SLC60A2: variants seen among roughly 807,000 people sequenced by gnomAD.
The protein encoded by SLC60A2 is solute carrier family 60 member 2, also known as major facilitator superfamily domain containing 4B.
the SLC60A2 span, among the ~76,000 whole-genome samples, chr6:111,262,916 C>T: frequency 2.6e-5 from 4 of 152,008 alleles, no homozygotes; most frequent in African/African-American, 7.3e-5. Context: ...TCTGTCTCAC[C>T]CTGGAAATAG....
At chr6:111,278,664 T>G in the SLC60A2 span, 1 of 152,302 alleles carries the variant, frequency 6.6e-6, no homozygotes, top group Admixed American at 6.5e-5. Context: ...TGTGATTTGC[T>G]GCTCCTTGCC....
At chr6:111,277,391 T>C in the SLC60A2 span, among the ~76,000 whole-genome samples, 2 of 152,260 alleles carry the variant, frequency 1.3e-5, no homozygotes. Flanking sequence ...GATTTCTACT[T>C]GAGTGAGCTC....
the SLC60A2 span, among the ~76,000 whole-genome samples, chr6:111,262,025 A>G: frequency 6.6e-6 from 1 of 152,196 alleles, no homozygotes; most frequent in African/African-American, 2.4e-5. Context: ...TTGTTCAGAA[A>G]GGAAACAGGA....
chr6:111,259,734 G>C, the SLC60A2 span: 5 of 1,583,772 alleles, frequency 3.2e-6, no homozygotes, highest in Non-Finnish European at 4.3e-6. Context: ...GCTGGTGAGA[G>C]CCGGGGCTGC....
At chr6:111,266,849 C>G in the SLC60A2 span, 64 of 1,613,932 alleles carry the variant, frequency 4.0e-5, no homozygotes, top group African/African-American at 6.8e-4. Flanking sequence ...AAGCTCTGCT[C>G]TCTAGCTCCG....
the SLC60A2 span, chr6:111,267,455 A>C: frequency 5.2e-6 from 1 of 191,976 alleles, no homozygotes; most frequent in Non-Finnish European, 1.1e-5. Flanking sequence ...ACCATGTAGG[A>C]GTTGAATTGA....
chr6:111,271,967 A>G, the SLC60A2 span, among the ~76,000 whole-genome samples: 5 of 151,986 alleles, frequency 3.3e-5, no homozygotes, highest in Non-Finnish European at 7.4e-5. Context: ...GACTGTCTAA[A>G]AAATTTAAAA....
At chr6:111,268,064 G>T in the SLC60A2 span, 1 of 152,158 alleles carries the variant, frequency 6.6e-6, no homozygotes, top group African/African-American at 2.4e-5. Flanking sequence ...TCCAAATTGG[G>T]AATCTGTAAG....
the SLC60A2 span, among the ~76,000 whole-genome samples, chr6:111,260,558 C>G: frequency 2.6e-5 from 4 of 152,294 alleles, no homozygotes; most frequent in Admixed American, 6.5e-5. Context: ...AGCCTAGAGG[C>G]GCCTTTTGCC....
the SLC60A2 span, among the ~76,000 whole-genome samples, chr6:111,275,539 A>G: frequency 5.9e-5 from 9 of 151,688 alleles, no homozygotes; most frequent in Admixed American, 3.3e-4. Context: ...CCTCCCGAGT[A>G]GCTGGGATTA....
chr6:111,266,348 G>C, the SLC60A2 span: 3 of 1,614,096 alleles, frequency 1.9e-6, no homozygotes, highest in Admixed American at 1.7e-5. Context: ...ATGCTGGCAT[G>C]AAAGAAAGTG....
the SLC60A2 span, among the ~76,000 whole-genome samples, chr6:111,261,337 G>A: frequency 2.6e-5 from 4 of 152,158 alleles, no homozygotes; most frequent in Admixed American, 2.0e-4. Context: ...AGGTTTTGAC[G>A]TTTTCCAGTG....
At chr6:111,266,698 A>G in the SLC60A2 span, 7 of 1,614,184 alleles carry the variant, frequency 4.3e-6, no homozygotes, top group Non-Finnish European at 5.9e-6. Context: ...CTTCAAGGAA[A>G]ATACCCTGAT....
chr6:111,275,520 C>T, the SLC60A2 span, among the ~76,000 whole-genome samples: 1 of 151,682 alleles, frequency 6.6e-6, no homozygotes, highest in Admixed American at 6.6e-5. Context: ...AGTGATTCTC[C>T]TGCCCCAGCC....
At chr6:111,265,771 G>T in the SLC60A2 span, 6 of 845,276 alleles carry the variant, frequency 7.1e-6, no homozygotes, top group Non-Finnish European at 1.1e-5. Flanking sequence ...TATAATGCTT[G>T]TGCTATGTAA....
At chr6:111,268,548 C>T in the SLC60A2 span, 1 of 152,126 alleles carries the variant, frequency 6.6e-6, no homozygotes, top group South Asian at 2.1e-4. Flanking sequence ...AATTTGGAGA[C>T]ACTATGTTCT....
the SLC60A2 span, chr6:111,263,776 T>A: frequency 3.3e-6 from 3 of 919,172 alleles, no homozygotes; most frequent in Non-Finnish European, 5.3e-6. Context: ...GATATTGACT[T>A]GATCCATGAC....
At chr6:111,263,675 CAAATG>C in the SLC60A2 span, among the ~76,000 whole-genome samples, 1 of 152,136 alleles carries the variant, frequency 6.6e-6, no homozygotes, top group Non-Finnish European at 1.5e-5. Context: ...ATAAAAGATT[CAAATG>C]AAATAATCAC....
At chr6:111,259,651 C>T in the SLC60A2 span, 1 of 1,562,684 alleles carries the variant, frequency 6.4e-7, no homozygotes, top group Non-Finnish European at 8.7e-7. Flanking sequence ...GTGGTGGTCT[C>T]CTGGCAGAGC....
Sources: gnomAD v4.1 joint callset for allele counts (sites outside exome capture counted in the v4.1 genomes callset) on GRCh38, gnomAD v4.1.1 for gene constraint, MANE v1.5 for transcripts, NCBI Gene and HGNC (gene_info 2026-07-23, HGNC 2026-07-21) for gene names.